The following PARD3B variants were observed in gnomAD, a reference collection of about 807,000 sequenced individuals.
PARD3B encodes par-3 family cell polarity regulator beta.
In PARD3B, 103 loss-of-function variants were observed where a neutral mutation model predicts 130.2. The observed-to-expected ratio is 0.79, with a 90% CI of 0.67 to 0.93. The LOEUF is 0.93. PARD3B is among the 40% of genes least tolerant of loss of function. The pLI, the probability that PARD3B is intolerant of heterozygous loss-of-function variation, is 0.00. For synonymous variants in PARD3B, 583 were observed against 553.2 expected (o/e 1.05, Z -0.76); for missense variants, 1,609 against 1,499.2 (o/e 1.07, Z -1.21).
At chr2:205,396,887 T>G (rs2046050485) in intron 18 of PARD3B, among the ~76,000 whole-genome samples, 1 of 152,186 alleles carries the variant, frequency 6.6e-6, no homozygotes, top group Non-Finnish European at 1.5e-5. Flanking sequence ...AATGGGAAGA[T>G]AAACCTCCTC....
chr2:205,431,220 G>T (rs964126883), intron 19 of PARD3B, among the ~76,000 whole-genome samples: 1 of 152,156 alleles, frequency 6.6e-6, no homozygotes, highest in African/African-American at 2.4e-5. Flanking sequence ...GGGATTATAG[G>T]CATGTGCCAC....
intron 2 of PARD3B, among the ~76,000 whole-genome samples, chr2:204,724,585 C>G (rs1226566118): frequency 6.6e-6 from 1 of 152,110 alleles, no homozygotes; most frequent in African/African-American, 2.4e-5. Flanking sequence ...GGAATTCCCT[C>G]TGATTATCTA....
rs1349100449 is a variant in PARD3B, at chr2:205,550,808, TTATATGTA to T, written c.3181-2504_3181-2497del. Among the ~76,000 whole-genome samples, 3 of 149,626 alleles carry T rather than the reference TTATATGTA, an allele frequency of 2.0e-5. No individual in the cohort carries two copies. In the Admixed American group the frequency reaches 2.0e-4, roughly 10 times the overall value. ...TGCAAATATACAAATATATGCATAT[TTATATGTA>T]TATATGTATATTTTATGTATATTTG... On this transcript the variant is annotated intron_variant, in intron 21 of 22. Transcript: ENST00000406610. This position sits in a 1 kb window ranked among gnomAD's most constrained non-coding sequence, Gnocchi z 4.5.
chr2:205,056,659 C>A (rs1575660546), intron 4 of PARD3B, among the ~76,000 whole-genome samples: 1 of 151,686 alleles, frequency 6.6e-6, no homozygotes, highest in Admixed American at 6.6e-5. Flanking sequence ...TTCAGACTCA[C>A]ATAGCCCTGA....
chr2:204,888,399 G>A, intron 2 of PARD3B, among the ~76,000 whole-genome samples: 1 of 151,976 alleles, frequency 6.6e-6, no homozygotes, highest in East Asian at 1.9e-4. Flanking sequence ...CAAGCCAAAG[G>A]AACAGATGAG....
intron 4 of PARD3B, among the ~76,000 whole-genome samples, chr2:205,056,233 C>T (rs1415530257): frequency 1.3e-5 from 2 of 150,604 alleles, no homozygotes; most frequent in Non-Finnish European, 3.0e-5. Flanking sequence ...ACAGCATAAA[C>T]GCTTCTAAAG....
intron 21 of PARD3B, among the ~76,000 whole-genome samples, chr2:205,527,028 G>T (rs965420829): frequency 6.6e-6 from 1 of 152,150 alleles, no homozygotes; most frequent in Non-Finnish European, 1.5e-5. Context: ...TCAAATGAGA[G>T]GTTTGCAGGT....
chr2:205,104,393 G>A lies in PARD3B; in HGVS notation c.505-33G>A, dbSNP rs1291904494. On this transcript the variant is annotated intron_variant, in intron 4 of 22. Coordinates refer to ENST00000406610, the MANE Select transcript of PARD3B (RefSeq NM_001302769.2). The stretch of plus-strand genomic sequence containing the variant: ...TCAGATTTTCAATTCAATATGCACA[G>A]CATCACATGCTTATGACTTTGTTTC... 4.2e-6 allele frequency: 6 copies of A among 1,441,552 alleles called. No individual in the cohort carries two copies. The African/African-American group carries it at 8.4e-5, about 20-fold the overall frequency. 89.3% of individuals were successfully genotyped at this position (1,441,552 alleles called of 1,614,324 possible).
At chr2:204,868,164 A>G (rs1165391489) in intron 2 of PARD3B, among the ~76,000 whole-genome samples, 1 of 152,224 alleles carries the variant, frequency 6.6e-6, no homozygotes, top group East Asian at 1.9e-4. Flanking sequence ...AGTCATGGCC[A>G]GTCTGGGCTC....
intron 2 of PARD3B, among the ~76,000 whole-genome samples, chr2:204,709,123 C>G (rs2038317024): frequency 6.6e-6 from 1 of 152,036 alleles, no homozygotes; most frequent in South Asian, 2.1e-4. Context: ...ATAGTTTATT[C>G]CTAGATTATC....
chr2:204,798,326 G>A (rs1044704319), intron 2 of PARD3B, among the ~76,000 whole-genome samples: 5 of 152,216 alleles, frequency 3.3e-5, no homozygotes, highest in African/African-American at 9.6e-5. Context: ...GCAGAATTCA[G>A]GTGGCACTCA....
chr2:204,720,377 A>G (rs1203890275), intron 2 of PARD3B, among the ~76,000 whole-genome samples: 1 of 152,176 alleles, frequency 6.6e-6, no homozygotes, highest in Non-Finnish European at 1.5e-5. Context: ...AAACAGTAAC[A>G]TGGTTTGGGT....
In PARD3B at chr2:205,300,668, G is replaced by A. The variant is rs775526690; in HGVS notation, c.2324G>A (p.Arg775Gln). ...HRPRPHMVRG[R>Q]GCNESFRAAI... is the part of the protein sequence containing the mutation. ...CCCCGGCCGCACATGGTTCGAGGCC[G>A]AGGCTGCAATGAGAGCTTTAGAGCA... Residue 775 changes from arginine to glutamine, a missense_variant, in exon 17 of 23, where the codon CGA (arginine) becomes CAA (glutamine). Physicochemically the swap from Arg to Gln is conservative, Grantham distance 43 (BLOSUM62 1). Transcript: ENST00000406610. This position sits in a 1 kb window ranked among gnomAD's most constrained non-coding sequence, Gnocchi z 4.1. 46 of 1,613,866 alleles carry A rather than the reference G, an allele frequency of 2.9e-5. No homozygotes were observed. The highest frequency in any genetic ancestry group is 1.7e-4 in the Middle Eastern group (1 of 5,938).
intron 1 of PARD3B, among the ~76,000 whole-genome samples, chr2:204,591,833 G>A (rs956738523): frequency 6.6e-6 from 1 of 152,126 alleles, no homozygotes; most frequent in Non-Finnish European, 1.5e-5. Context: ...ATAATTTCTT[G>A]GAGTGCTGTT....
chr2:205,120,081 G>A (rs1414298446), intron 7 of PARD3B, among the ~76,000 whole-genome samples: 2 of 152,118 alleles, frequency 1.3e-5, no homozygotes, highest in African/African-American at 4.8e-5. Flanking sequence ...GTGGTTGTGG[G>A]TCGAGGAAAA....
At position 205,047,707 on chromosome 2, in the gene PARD3B, T is replaced by G. The variant is rs1264752409; in HGVS notation, c.504+17T>G. On this transcript the variant is annotated intron_variant, in intron 4 of 22. Coordinates refer to ENST00000406610, the MANE Select transcript of PARD3B (RefSeq NM_001302769.2). ...GTTGTTCCAGTAGGTATCCTGCTGC[T>G]TGTAGTTCTAATGAAAGATCAAAGT... is the stretch of plus-strand genomic sequence containing the variant. The G allele has an allele frequency of 2.1e-5, 32 of 1,493,094 alleles. No individual in the cohort carries two copies. In the East Asian group the frequency reaches 7.9e-4, roughly 37 times the overall value. 92.5% of individuals were successfully genotyped at this position (1,493,094 alleles called of 1,614,324 possible).
intron 15 of PARD3B, among the ~76,000 whole-genome samples, chr2:205,236,962 G>T (rs112379852): frequency 3.3e-5 from 5 of 152,326 alleles, no homozygotes; most frequent in African/African-American, 7.2e-5. Context: ...CAACATTCAG[G>T]ATTGTGGTTA....
At position 205,146,568 on chromosome 2, in the gene PARD3B, G is replaced by A. The variant is rs1301630082; in HGVS notation, c.1435-12154G>A. Among the ~76,000 whole-genome samples the A allele has an allele frequency of 2.6e-5, 4 of 151,690 alleles. No homozygotes were observed. The highest frequency in any genetic ancestry group is 4.8e-5 in the African/African-American group (2 of 41,426). On this transcript the variant is annotated intron_variant, in intron 10 of 22. Transcript: ENST00000406610. This position sits in a 1 kb window ranked among gnomAD's most constrained non-coding sequence, Gnocchi z 4.3. ...CGGGAGGCTGAGGCAGGAGAATGGC[G>A]TGAACCCGGGAGGCGGAGCTTGCAG...
chr2:204,985,888 C>T lies in PARD3B; in HGVS notation c.394+20565C>T, dbSNP rs143013053. ...GGCCGAGGTGGGTGGATTGCCTGAG[C>T]TCAGGAGCTCGAGACCAGCCTGGCA... On this transcript the variant is annotated intron_variant, in intron 3 of 22. Transcript: ENST00000406610. Among the ~76,000 whole-genome samples, 1,377 of 152,024 alleles carry T rather than the reference C, an allele frequency of 9.1e-3. 29 individuals are homozygous for T. Among genetic ancestry groups the T allele is most frequent in the African/African-American group, 0.032 (1,308 of 41,470 alleles).
Sources: allele counts gnomAD v4.1 joint callset (sites outside exome capture counted in the v4.1 genomes callset), GRCh38; gene constraint gnomAD v4.1.1; non-coding constraint Gnocchi (gnomAD v3.1); transcripts MANE v1.5; gene names NCBI Gene and HGNC (gene_info 2026-07-23, HGNC 2026-07-21).